Variants in SLC4A4 observed in about 807,000 individuals in gnomAD.
SLC4A4 encodes solute carrier family 4 member 4.
In SLC4A4, 27 loss-of-function variants were observed where a neutral mutation model predicts 111.5. The observed-to-expected ratio is 0.24, with a 90% CI of 0.18 to 0.33. The LOEUF (loss-of-function observed/expected upper bound fraction) is 0.33, where lower values mean the gene tolerates loss of function less well. SLC4A4 is among the 10% of genes least tolerant of loss of function. The pLI, the probability that SLC4A4 is intolerant of heterozygous loss-of-function variation, is 1.00. For synonymous variants in SLC4A4, 443 were observed against 463.4 expected (o/e 0.96, Z 0.57); for missense variants, 909 against 1,315.5 (o/e 0.69, Z 4.78).
chr4:71,364,099 A>G (rs936127363), intron 6 of SLC4A4, among the ~76,000 whole-genome samples: 1 of 152,172 alleles, frequency 6.6e-6, no homozygotes, highest in African/African-American at 2.4e-5. Flanking sequence ...CACTCTTTAT[A>G]GCAATGAAGA....
chr4:71,075,813 A>G (rs906301921), intron 1 of SLC4A4, among the ~76,000 whole-genome samples: 1 of 151,778 alleles, frequency 6.6e-6, no homozygotes, highest in African/African-American at 2.4e-5. Flanking sequence ...AAAATACAAA[A>G]ATTAGCCAGG....
intron 2 of SLC4A4, among the ~76,000 whole-genome samples, chr4:71,109,909 T>C (rs898031072): frequency 1.1e-4 from 16 of 152,168 alleles, no homozygotes; most frequent in African/African-American, 3.6e-4. Context: ...GCTCCCAAAG[T>C]TGTGTGCAAG....
chr4:71,176,920 G>T (rs1745112170), intron 2 of SLC4A4, among the ~76,000 whole-genome samples: 1 of 152,152 alleles, frequency 6.6e-6, no homozygotes, highest in Non-Finnish European at 1.5e-5. Context: ...GTTAAGGGCA[G>T]GCAGAGAGAA....
chr4:71,130,311 T>C (rs546669251), intron 2 of SLC4A4, among the ~76,000 whole-genome samples: 11 of 152,210 alleles, frequency 7.2e-5, no homozygotes, highest in Middle Eastern at 3.4e-3. Context: ...TTCACTGCAC[T>C]CTCAAACTCC....
At chr4:71,561,543 A>C (rs574807913) in intron 23 of SLC4A4, among the ~76,000 whole-genome samples, 2 of 151,920 alleles carry the variant, frequency 1.3e-5, no homozygotes, top group African/African-American at 4.8e-5. Flanking sequence ...ATTGGATTTC[A>C]CATAAATTGA....
intron 16 of SLC4A4, among the ~76,000 whole-genome samples, chr4:71,507,303 C>T (rs569450980): frequency 6.6e-6 from 1 of 152,252 alleles, no homozygotes; most frequent in Admixed American, 6.5e-5. Context: ...GAGTGGAAAG[C>T]TGCATAACAA....
At chr4:71,327,754 G>T (rs1031283855) in intron 3 of SLC4A4, among the ~76,000 whole-genome samples, 10 of 151,686 alleles carry the variant, frequency 6.6e-5, no homozygotes, top group African/African-American at 2.4e-4. Context: ...TTTTGATACA[G>T]GCAGACAGTG....
chr4:71,175,182 T>G (rs1301630934), intron 2 of SLC4A4, among the ~76,000 whole-genome samples: 1 of 152,222 alleles, frequency 6.6e-6, no homozygotes, highest in Non-Finnish European at 1.5e-5. Flanking sequence ...GCAATCTATG[T>G]GCACAGTTAA....
intron 16 of SLC4A4, among the ~76,000 whole-genome samples, chr4:71,514,396 A>G (rs546080733): frequency 4.6e-5 from 7 of 152,086 alleles, no homozygotes; most frequent in Non-Finnish European, 1.0e-4. Flanking sequence ...TATGATTGTA[A>G]GTTTCCTGAG....
intron 3 of SLC4A4, among the ~76,000 whole-genome samples, chr4:71,296,620 A>G (rs1724814489): frequency 1.3e-5 from 2 of 152,230 alleles, no homozygotes; most frequent in African/African-American, 4.8e-5. Flanking sequence ...AGATGGAAAT[A>G]TGATTTGATG....
chr4:71,537,941 G>A (rs1037508126), intron 18 of SLC4A4, among the ~76,000 whole-genome samples: 1 of 151,998 alleles, frequency 6.6e-6, no homozygotes, highest in Non-Finnish European at 1.5e-5. Context: ...TCTTCGCGTG[G>A]CTGTTGTTTT....
intron 23 of SLC4A4, among the ~76,000 whole-genome samples, chr4:71,562,452 T>A (rs2007596): frequency 0.87 from 132,045 of 151,770 alleles, 58,417 homozygotes; most frequent in Non-Finnish European, 0.96. Context: ...ATGAGCACAA[T>A]TAGTGAAAAT....
At chr4:71,274,552 T>A (rs756309207) in intron 3 of SLC4A4, among the ~76,000 whole-genome samples, 8 of 152,208 alleles carry the variant, frequency 5.3e-5, no homozygotes, top group Non-Finnish European at 1.2e-4. Context: ...TTGTCAGAAG[T>A]GCAGTTCCCA....
intron 1 of SLC4A4, chr4:71,236,226 C>G: frequency 9.4e-7 from 1 of 1,065,132 alleles, no homozygotes; most frequent in Non-Finnish European, 1.1e-6. Flanking sequence ...CAAACTTCCT[C>G]TCTTGGTATT....
intron 3 of SLC4A4, among the ~76,000 whole-genome samples, chr4:71,293,492 G>A (rs1374563705): frequency 6.6e-6 from 1 of 151,708 alleles, no homozygotes; most frequent in South Asian, 2.1e-4. Context: ...AAACCCGGGA[G>A]GCGGAGGTTG....
chr4:71,232,575 C>G (rs1428622682), intron 1 of SLC4A4, among the ~76,000 whole-genome samples: 1 of 152,006 alleles, frequency 6.6e-6, no homozygotes. Context: ...CTGCACATAG[C>G]TAATTTGGAA....
At chr4:71,449,854 A>T (rs1725598335) in intron 9 of SLC4A4, among the ~76,000 whole-genome samples, 1 of 152,184 alleles carries the variant, frequency 6.6e-6, no homozygotes, top group African/African-American at 2.4e-5. Flanking sequence ...CAGATGATTG[A>T]CTATTTAAGG....
chr4:71,558,788 G>A (rs1193251532), intron 22 of SLC4A4, among the ~76,000 whole-genome samples: 1 of 151,636 alleles, frequency 6.6e-6, no homozygotes, highest in Admixed American at 6.6e-5. Flanking sequence ...AGAAAAAATG[G>A]ATATTAAATA....
intron 6 of SLC4A4, among the ~76,000 whole-genome samples, chr4:71,388,916 C>T (rs967050308): frequency 2.6e-5 from 4 of 152,100 alleles, no homozygotes; most frequent in African/African-American, 9.7e-5. Context: ...ATAAGACTCT[C>T]AATGAATTAG....
Sources: gnomAD v4.1 joint callset for allele counts (sites outside exome capture counted in the v4.1 genomes callset) on GRCh38, gnomAD v4.1.1 for gene constraint, MANE v1.5 for transcripts, NCBI Gene and HGNC (gene_info 2026-07-23, HGNC 2026-07-21) for gene names.